Variants in CCDC57 observed in about 807,000 individuals in gnomAD.
CCDC57 encodes coiled-coil domain-containing protein 57.
CCDC57 carries 118 observed loss-of-function variants against 118.9 expected under a neutral mutation model. That is an observed-to-expected ratio of 0.99 (90% CI 0.86 to 1.16). The LOEUF (loss-of-function observed/expected upper bound fraction) is 1.16, where lower values mean the gene tolerates loss of function less well. CCDC57 is among the 50% of genes most tolerant of loss of function. The pLI is 0.00. For synonymous variants in CCDC57, 527 were observed against 532.9 expected (o/e 0.99, Z 0.15); for missense variants, 1,300 against 1,320.7 (o/e 0.98, Z 0.24).
chr17:82,191,467 A>T (rs762976646), intron 7 of CCDC57, among the ~76,000 whole-genome samples: 3 of 152,168 alleles, frequency 2.0e-5, no homozygotes, highest in Non-Finnish European at 4.4e-5. Flanking sequence ...AAAGTAAAAA[A>T]GTCAAATGGA....
Position 82,117,289 on chromosome 17 carries a change from T to A in CCDC57, c.2899+10403A>T, listed in dbSNP as rs553289118. On this transcript the variant is annotated intron_variant, in intron 19 of 19. Coordinates refer to ENST00000665763, the Ensembl canonical transcript of CCDC57. ...ATCACTTGAGCCCAGGAGGTGGAGT[T>A]TGCAGTGAGCTGAGATTGCACCACT... Among the ~76,000 whole-genome samples, 5 of 151,946 alleles carry A rather than the reference T, an allele frequency of 3.3e-5. No individual in the cohort carries two copies. The South Asian group carries it at 1.0e-3, about 32-fold the overall frequency.
chr17:82,172,676 T>G lies in CCDC57; in HGVS notation c.1691A>C (p.Gln564Pro). The stretch of plus-strand genomic sequence containing the variant: ...ATCTCCCCCAGCCTCTGGGTCAGGC[T>G]GGTTTGCATCTGTGCTCTCTGCCGC... Residue 564 changes from glutamine (Q) to proline (P), a missense_variant, in exon 12 of 20, where the codon CAG (glutamine) becomes CCG (proline). By Grantham distance (76) the Gln-to-Pro change is moderately conservative. Coordinates refer to ENST00000665763, the Ensembl canonical transcript of CCDC57. The surrounding 1 kb of genome is among the most constrained non-coding windows in gnomAD (Gnocchi z 5.2). The G allele has an allele frequency of 6.4e-7, 1 of 1,555,526 alleles. No homozygotes were observed. Among genetic ancestry groups the G allele is most frequent in the Non-Finnish European group, 8.7e-7 (1 of 1,149,714 alleles).
At chr17:82,178,899 C>G in intron 10 of CCDC57, 128 bp downstream of exon 9, 1 of 1,073,050 alleles carries the variant, frequency 9.3e-7, no homozygotes, top group East Asian at 2.5e-5. Context: ...ATTTATTACT[C>G]TAATTACTCA....
intron 9 of CCDC57, among the ~76,000 whole-genome samples, chr17:82,182,251 T>C (rs1036491216): frequency 3.3e-5 from 5 of 151,352 alleles, no homozygotes; most frequent in African/African-American, 1.2e-4. Flanking sequence ...AGATACATGA[T>C]GTTTTATTTC....
Position 82,139,175 on chromosome 17 carries a change from G to A in CCDC57, c.2456-4981C>T, listed in dbSNP as rs577785343. On this transcript the variant is annotated intron_variant, in intron 16 of 19. Transcript: ENST00000665763. ...TGGCATCTTTGAAAACAGCGTCAAC[G>A]TCTTGGATTAACTTTGTCTAGAACT... 9.9e-5 allele frequency among the ~76,000 whole-genome samples: 15 copies of A among 152,260 alleles called. No individual in the cohort carries two copies. In the South Asian group the frequency reaches 2.9e-3, roughly 29 times the overall value.
At chr17:82,154,434 G>A (rs2042429824) in intron 15 of CCDC57, 1 of 152,440 alleles carries the variant, frequency 6.6e-6, no homozygotes, top group Non-Finnish European at 1.5e-5. Flanking sequence ...CACTACAGGA[G>A]GTAGGCTGGA....
At chr17:82,117,226 G>T (rs1025582476) in intron 19 of CCDC57, among the ~76,000 whole-genome samples, 1 of 152,008 alleles carries the variant, frequency 6.6e-6, no homozygotes, top group African/African-American at 2.4e-5. Flanking sequence ...GGTGGCGCAC[G>T]CCATAACCCC....
chr17:82,176,146 G>T (rs912515930), intron 11 of CCDC57, among the ~76,000 whole-genome samples: 1 of 152,008 alleles, frequency 6.6e-6, no homozygotes, highest in East Asian at 1.9e-4. Context: ...TGGGTGGAAG[G>T]CTGCCCTGCC....
chr17:82,193,700 C>G, intron 7 of CCDC57, 56 bp downstream of exon 6: 7 of 1,483,860 alleles, frequency 4.7e-6, no homozygotes, highest in Non-Finnish European at 5.5e-6. Flanking sequence ...GTTCCACTTC[C>G]CTCCTCTCCT....
chr17:82,134,711 T>C (rs1342781623), intron 16 of CCDC57, among the ~76,000 whole-genome samples: 1 of 152,108 alleles, frequency 6.6e-6, no homozygotes, highest in Non-Finnish European at 1.5e-5. Flanking sequence ...GAAGAATTGC[T>C]TGAACCCGGG....
At chr17:82,184,031 G>GCGCGCGTGCACACACACACA in intron 8 of CCDC57, 99 bp from the exon 8 acceptor site, 1 of 125,852 alleles carries the variant, frequency 7.9e-6, no homozygotes. Flanking sequence ...GCGCGCGCGC[G>GCGCGCGTGCACACACACACA]CACACACACA....
chr17:82,150,370 T>TGCACACCCAGAACCAGGC (rs71166194), intron 16 of CCDC57, among the ~76,000 whole-genome samples: 1,084 of 20,214 alleles, frequency 0.054, 74 homozygotes, highest in East Asian at 0.14. Context: ...CAGAACCTGG[T>TGCACACCCAGAACCAGGC]GCACACCCAG....
chr17:82,149,809 TGACCCACACCCAGAACCAGGC>T (rs2041615341), intron 16 of CCDC57, among the ~76,000 whole-genome samples: 2 of 126,140 alleles, frequency 1.6e-5, no homozygotes, highest in Non-Finnish European at 3.3e-5. Flanking sequence ...ACCCGGAACC[TGACCCACACCCAGAACCAGGC>T]GCACACCCAG....
At chr17:82,144,046 A>G (rs2145635628) in intron 16 of CCDC57, among the ~76,000 whole-genome samples, 1 of 141,128 alleles carries the variant, frequency 7.1e-6, no homozygotes, top group African/African-American at 2.6e-5. Context: ...AGACAGCAAG[A>G]TTCCATCTCA....
intron 11 of CCDC57, among the ~76,000 whole-genome samples, chr17:82,178,156 G>C (rs2045765876): frequency 6.6e-6 from 1 of 152,234 alleles, no homozygotes; most frequent in Non-Finnish European, 1.5e-5. Flanking sequence ...GAGCGGTGAT[G>C]ACAGATTCCT....
At chr17:82,151,680 T>C (rs2145857485) in exon 16 of CCDC57, 1 of 1,550,370 alleles carries the variant, frequency 6.5e-7, no homozygotes, top group Non-Finnish European at 8.7e-7. Context: ...AGTCGGTGCA[T>C]AGATAAGGTC....
chr17:82,125,933 C>CAT (rs1568180024), intron 19 of CCDC57, among the ~76,000 whole-genome samples: 1 of 151,214 alleles, frequency 6.6e-6, no homozygotes, highest in African/African-American at 2.4e-5. Context: ...TCCGAATATG[C>CAT]GGGAAGTGTG....
chr17:82,164,173 G>A (rs2043691074), intron 13 of CCDC57, among the ~76,000 whole-genome samples: 1 of 152,028 alleles, frequency 6.6e-6, no homozygotes, highest in African/African-American at 2.4e-5. Flanking sequence ...GTCAGGAGTG[G>A]GAGACCAACC....
intron 16 of CCDC57, among the ~76,000 whole-genome samples, chr17:82,138,621 G>A (rs189832312): frequency 7.0e-4 from 92 of 132,288 alleles, no homozygotes; most frequent in African/African-American, 2.4e-3. Flanking sequence ...TGAGTGCCAC[G>A]GGAAGACTGC....
Sources: gnomAD v4.1 joint callset for allele counts (sites outside exome capture counted in the v4.1 genomes callset) on GRCh38, gnomAD v4.1.1 for gene constraint, Gnocchi (gnomAD v3.1) non-coding constraint, MANE v1.5 for transcripts, NCBI Gene and HGNC (gene_info 2026-07-23, HGNC 2026-07-21) for gene names.